NFATC2: variants seen among roughly 807,000 people sequenced by gnomAD.
The protein encoded by NFATC2 is nuclear factor of activated T-cells, cytoplasmic 2.
Under a neutral mutation model 87.3 loss-of-function variants are expected in NFATC2, and 22 were observed. That is an observed-to-expected ratio of 0.25 (90% CI 0.18 to 0.36). NFATC2 has a LOEUF of 0.36. Among genes scored for constraint, NFATC2 ranks in the 10% least tolerant of loss-of-function variants. The pLI is 1.00. For synonymous variants in NFATC2, 565 were observed against 542.2 expected (o/e 1.04, Z -0.58); for missense variants, 1,149 against 1,259.1 (o/e 0.91, Z 1.32).
chr20:51,398,923 T>C (rs930730229), intron 9 of NFATC2, 193 bp from the exon 10 acceptor site: 2 of 575,364 alleles, frequency 3.5e-6, no homozygotes, highest in Non-Finnish European at 6.2e-6. Flanking sequence ...GTAATAATCA[T>C]GGAGATGAGG....
At chr20:51,436,713 T>TAAAA (rs1983628325) in intron 6 of NFATC2, among the ~76,000 whole-genome samples, 1 of 131,362 alleles carries the variant, frequency 7.6e-6, no homozygotes, top group Non-Finnish European at 1.7e-5. Flanking sequence ...AGACTTTGTC[T>TAAAA]CAAAACAAAC....
At chr20:51,559,625 A>G (rs927712936) in intron 1 of NFATC2, among the ~76,000 whole-genome samples, 3 of 152,218 alleles carry the variant, frequency 2.0e-5, no homozygotes, top group Non-Finnish European at 2.9e-5. Context: ...CTACAGTGTT[A>G]TAACAATTAA....
chr20:51,407,363 C>T (rs1214080433), intron 9 of NFATC2, among the ~76,000 whole-genome samples: 3 of 152,168 alleles, frequency 2.0e-5, no homozygotes, highest in South Asian at 2.1e-4. Context: ...GTAGGAGGGC[C>T]GGGACTTTGA....
At chr20:51,486,531 G>A (rs1167136752) in intron 3 of NFATC2, among the ~76,000 whole-genome samples, 1 of 152,016 alleles carries the variant, frequency 6.6e-6, no homozygotes, top group African/African-American at 2.4e-5. Context: ...ATGTCTTCCT[G>A]TTTATTTCCT....
At chr20:51,434,632 C>A (rs777535628) in intron 8 of NFATC2, among the ~76,000 whole-genome samples, 5 of 152,178 alleles carry the variant, frequency 3.3e-5, no homozygotes, top group Non-Finnish European at 7.3e-5. Context: ...GTCCACAAGC[C>A]AAGAACAGTG....
Position 51,562,427 on chromosome 20 carries a change from A to C in NFATC2, c.70+133T>G. The C allele has an allele frequency of 1.3e-6, 1 of 766,496 alleles. No homozygotes were observed. The highest frequency in any genetic ancestry group is 2.1e-6 in the Non-Finnish European group (1 of 486,204). The allele number at this position is 766,496 out of a possible 1,614,324, so 47.5% of individuals were successfully genotyped here. On this transcript the variant is annotated intron_variant, in intron 1 of 10. Transcript: ENST00000414705. This position sits in a 1 kb window ranked among gnomAD's most constrained non-coding sequence, Gnocchi z 5.8. ...CGCGGGCCCCGCTACCTGTGCGCCG[A>C]GGGCGAGCGGGGTCCCCAGGCCTCC...
intron 3 of NFATC2, among the ~76,000 whole-genome samples, chr20:51,499,194 T>G (rs891463286): frequency 6.6e-6 from 1 of 152,090 alleles, no homozygotes; most frequent in East Asian, 1.9e-4. Context: ...GAACAGATCC[T>G]CTGGCAGCTG....
Position 51,523,594 on chromosome 20 carries a change from G to A in NFATC2, c.647C>T (p.Thr216Ile). Residue 216 changes from threonine (T) to isoleucine (I), a missense_variant, in exon 2 of 11, where the codon ACC becomes ATC. Physicochemically the swap from Thr to Ile is moderately conservative, Grantham distance 89. Around this residue, in one of 3 missense-constraint regions of NFATC2, gnomAD observed 563 missense variants for 585.2 expected, o/e 0.96. Coordinates refer to ENST00000371564, the MANE Select transcript of NFATC2 (RefSeq NM_012340.5). This position sits in a 1 kb window ranked among gnomAD's most constrained non-coding sequence, Gnocchi z 6.9. The part of the protein sequence containing the change: ...QNIPAHYSPR[T>I]SPIMSPRTSL... ...GGTTCGAGGTGACATTATTGGCGAG[G>A]TTCTGGGGGAATAATGAGCAGGGAT... The A allele has an allele frequency of 6.2e-7, 1 of 1,613,964 alleles. No homozygotes were observed. The highest frequency in any genetic ancestry group is 8.5e-7 in the Non-Finnish European group (1 of 1,179,866).
In NFATC2 at chr20:51,388,462, TGG is replaced by T. The variant is rs1985996443; in HGVS notation, c.*3032_*3033del. 1 of 151,888 alleles carries T rather than the reference TGG, an allele frequency of 6.6e-6. No individual in the cohort carries two copies. The highest frequency in any genetic ancestry group is 6.6e-5 in the Admixed American group (1 of 15,246). The allele number at this position is 151,888 out of a possible 1,614,324, so 9.4% of individuals were successfully genotyped here. A position where few individuals can be genotyped will look rare whatever the true frequency, so the allele number is the denominator to read the frequency against. The stretch of plus-strand genomic sequence containing the variant: ...TTTTATTATATGGGTTTTTGTTTCC[TGG>T]AATGAGTAACAAATGTTTCAAGAAT... On this transcript the variant is annotated 3_prime_UTR_variant, in exon 11 of 11. Transcript: ENST00000371564.
At chr20:51,404,528 A>G (rs1020104244) in intron 9 of NFATC2, among the ~76,000 whole-genome samples, 8 of 152,232 alleles carry the variant, frequency 5.3e-5, no homozygotes, top group Non-Finnish European at 1.2e-4. Flanking sequence ...ATGCATATAT[A>G]TGGCACTATG....
intron 1 of NFATC2, among the ~76,000 whole-genome samples, chr20:51,561,447 G>GAGAGAGAAAGA (rs2077025509): frequency 2.0e-5 from 2 of 98,818 alleles, no homozygotes; most frequent in Non-Finnish European, 2.1e-5. Context: ...AAGAAAGAAA[G>GAGAGAGAAAGA]AAAGAAAGAA....
chr20:51,423,439 C>T (rs6096428), intron 9 of NFATC2, among the ~76,000 whole-genome samples: 19,089 of 151,974 alleles, frequency 0.13, 3,590 homozygotes, highest in African/African-American at 0.4. Flanking sequence ...AGGTAGCTGG[C>T]ATGGTACATC....
chr20:51,416,309 T>C (rs899301686), intron 9 of NFATC2, among the ~76,000 whole-genome samples: 1 of 151,966 alleles, frequency 6.6e-6, no homozygotes, highest in Non-Finnish European at 1.5e-5. Context: ...GGTTCTGAAA[T>C]GGTCCAGAGA....
At chr20:51,426,824 C>T (rs1435652839) in intron 9 of NFATC2, among the ~76,000 whole-genome samples, 1 of 152,140 alleles carries the variant, frequency 6.6e-6, no homozygotes. Flanking sequence ...CTGTCATAAT[C>T]CAGGTGGCAA....
At chr20:51,416,873 T>C (rs2146288578) in intron 9 of NFATC2, among the ~76,000 whole-genome samples, 1 of 152,226 alleles carries the variant, frequency 6.6e-6, no homozygotes, top group Non-Finnish European at 1.5e-5. Flanking sequence ...GTAGGGGCAG[T>C]AGCAAGAATT....
intron 6 of NFATC2, among the ~76,000 whole-genome samples, chr20:51,437,085 C>A (rs1568976281): frequency 6.6e-6 from 1 of 150,590 alleles, no homozygotes; most frequent in Non-Finnish European, 1.5e-5. Context: ...AACACTACTC[C>A]CCCAGTTTGG....
intron 9 of NFATC2, among the ~76,000 whole-genome samples, chr20:51,411,516 C>CTTTTTTTTTTTTT (rs67935951): frequency 2.3e-5 from 2 of 87,250 alleles, no homozygotes; most frequent in African/African-American, 8.4e-5. Flanking sequence ...ATGCAATTGT[C>CTTTTTTTTTTTTT]TTTTTTTTTT....
intron 6 of NFATC2, among the ~76,000 whole-genome samples, chr20:51,450,839 G>A (rs1985677420): frequency 6.6e-6 from 1 of 152,176 alleles, no homozygotes; most frequent in Admixed American, 6.5e-5. Flanking sequence ...AGCTGAAACA[G>A]GCTCTGTGTT....
At chr20:51,392,763 C>G (rs760338944) in intron 10 of NFATC2, among the ~76,000 whole-genome samples, 4 of 152,204 alleles carry the variant, frequency 2.6e-5, no homozygotes, top group Non-Finnish European at 5.9e-5. Flanking sequence ...GTTAAATGTT[C>G]AGAGTTGCCC....
Sources: allele counts gnomAD v4.1 joint callset (sites outside exome capture counted in the v4.1 genomes callset), GRCh38; gene constraint gnomAD v4.1.1; regional missense constraint gnomAD v4.1.1; non-coding constraint Gnocchi (gnomAD v3.1); transcripts MANE v1.5; gene names NCBI Gene and HGNC (gene_info 2026-07-23, HGNC 2026-07-21).